Variants in ANO1 observed in about 807,000 individuals in gnomAD.
ANO1 encodes the protein anoctamin 1.
A neutral mutation model predicts 124.0 loss-of-function variants in ANO1; 59 were observed. The observed-to-expected ratio is 0.48, with a 90% CI of 0.39 to 0.59. The LOEUF is 0.59. Among genes scored for constraint, ANO1 ranks in the 20% least tolerant of loss-of-function variants. The pLI is 0.00. For missense variants in ANO1, 1,059 were observed against 1,328.0 expected, an observed-to-expected ratio of 0.80 and a Z score of 3.15; for synonymous variants, 529 against 532.0, an observed-to-expected ratio of 0.99 and a Z score of 0.08.
chr11:70,020,560 C>G (rs1304430167), intron 1 of ANO1, among the ~76,000 whole-genome samples: 1 of 152,186 alleles, frequency 6.6e-6, no homozygotes, highest in East Asian at 1.9e-4. Flanking sequence ...GTGGGTCCGG[C>G]CAAGGGTCAC....
At chr11:70,012,337 T>A (rs1856611448) in intron 1 of ANO1, among the ~76,000 whole-genome samples, 1 of 151,608 alleles carries the variant, frequency 6.6e-6, no homozygotes, top group African/African-American at 2.4e-5. Flanking sequence ...ATTCCATCTA[T>A]CCATCCTTTC....
At chr11:70,094,947 C>T (rs1265189048) in intron 2 of ANO1, among the ~76,000 whole-genome samples, 1 of 152,126 alleles carries the variant, frequency 6.6e-6, no homozygotes, top group African/African-American at 2.4e-5. Flanking sequence ...TGGCTCATGC[C>T]TATAATCCCA....
chr11:69,978,269 A>G, the ANO1 span, among the ~76,000 whole-genome samples: 1 of 152,192 alleles, frequency 6.6e-6, no homozygotes, highest in African/African-American at 2.4e-5. Flanking sequence ...TTTTGTTGGC[A>G]GAGCACCTCC....
intron 11 of ANO1, among the ~76,000 whole-genome samples, chr11:70,135,792 T>C (rs931306497): frequency 1.3e-5 from 2 of 152,228 alleles, no homozygotes; most frequent in Admixed American, 6.5e-5. Context: ...TGGGCTGTAA[T>C]GATCCCATTT....
chr11:70,085,715 C>T (rs1049084416), intron 1 of ANO1: 59 of 1,432,346 alleles, frequency 4.1e-5, no homozygotes, highest in Admixed American at 5.5e-5. Flanking sequence ...AGCCTCCTCT[C>T]TCCTTCCCCT....
At chr11:70,012,000 T>TTCCA (rs201200119) in intron 1 of ANO1, among the ~76,000 whole-genome samples, 1,576 of 150,644 alleles carry the variant, frequency 0.01, 26 homozygotes, top group African/African-American at 0.036. Context: ...CCATCCATCT[T>TTCCA]TCCATCCATC....
chr11:70,130,491 G>A (rs1243976084), intron 10 of ANO1, among the ~76,000 whole-genome samples: 1 of 152,180 alleles, frequency 6.6e-6, no homozygotes, highest in African/African-American at 2.4e-5. Context: ...CCCTCTCTGG[G>A]CTCTGGGATT....
Position 70,132,086 on chromosome 11 carries a change from A to C in ANO1, c.1258+7A>C. 2 of 1,579,452 alleles carry C rather than the reference A, an allele frequency of 1.3e-6. No individual in the cohort carries two copies. The highest frequency in any genetic ancestry group is 8.6e-7 in the Non-Finnish European group (1 of 1,167,750). On this transcript the variant is annotated splice_region_variant and intron_variant, in intron 11 of 25. Transcript: ENST00000355303. ...GTCTTCATGGCCCTCTGGGGTAAGCAGGGCTCCAGAGCACTGGGTTTTTGG... is the reference window on the plus strand; with the variant it reads ...GTCTTCATGGCCCTCTGGGGTAAGCCGGGCTCCAGAGCACTGGGTTTTTGG...
At chr11:70,170,338 C>T (rs976316212) in intron 21 of ANO1, among the ~76,000 whole-genome samples, 2 of 152,342 alleles carry the variant, frequency 1.3e-5, no homozygotes, top group Admixed American at 6.5e-5. Flanking sequence ...GGCGAGGTGG[C>T]TCATGCCTGG....
chr11:70,139,820 G>A (rs2047083844), intron 11 of ANO1, among the ~76,000 whole-genome samples: 1 of 152,210 alleles, frequency 6.6e-6, no homozygotes, highest in African/African-American at 2.4e-5. Flanking sequence ...TATTTAAGAA[G>A]TCTCCATCTT....
intron 1 of ANO1, among the ~76,000 whole-genome samples, chr11:70,028,607 C>T (rs564477770): frequency 6.4e-4 from 98 of 152,204 alleles, no homozygotes; most frequent in African/African-American, 2.2e-3. Context: ...GGCTCCCCAA[C>T]CCCCACCACA....
chr11:70,188,154 TTTC>T lies in ANO1; in HGVS notation c.*156_*158del. On this transcript the variant is annotated 3_prime_UTR_variant, in exon 26 of 26. Coordinates refer to ENST00000355303, the MANE Select transcript of ANO1 (RefSeq NM_018043.7). Reference sequence around the variant, plus strand: ...ACCACTTTCTGATAGGACATTTTCCTTTCTTCTTTCTGTTTTCTTTCCCTTGTT... The same window carrying T: ...ACCACTTTCTGATAGGACATTTTCCTTTCTTTCTGTTTTCTTTCCCTTGTT... The T allele has an allele frequency of 2.2e-6, 2 of 905,884 alleles. No homozygotes were observed. Among genetic ancestry groups the T allele is most frequent in the Middle Eastern group, 3.5e-4 (1 of 2,890 alleles). The allele number at this position is 905,884 out of a possible 1,614,324, so 56.1% of individuals were successfully genotyped here.
chr11:70,079,695 C>T (rs1054801812), intron 1 of ANO1, among the ~76,000 whole-genome samples: 2 of 152,214 alleles, frequency 1.3e-5, no homozygotes, highest in African/African-American at 2.4e-5. Flanking sequence ...CCTCCCCAGG[C>T]GTCAGGCCCA....
intron 1 of ANO1, among the ~76,000 whole-genome samples, chr11:70,001,446 A>G (rs1439488401): frequency 6.6e-6 from 1 of 152,178 alleles, no homozygotes; most frequent in East Asian, 1.9e-4. Context: ...AGACACGAGG[A>G]TGGATGACTA....
At chr11:70,124,218 AGCCCACTCTCAAGAAGT>A (rs2046398599) in intron 8 of ANO1, 115 bp from the exon 9 acceptor site, 1 of 771,946 alleles carries the variant, frequency 1.3e-6, no homozygotes, top group African/African-American at 1.7e-5. Flanking sequence ...CAGCCCACAC[AGCCCACTCTCAAGAAGT>A]GTTTATGGGA....
chr11:69,980,660 A>AT, the ANO1 span, among the ~76,000 whole-genome samples: 1 of 151,858 alleles, frequency 6.6e-6, no homozygotes, highest in African/African-American at 2.4e-5. Flanking sequence ...GGCTGTGAGG[A>AT]TTGCATAACA....
intron 21 of ANO1, chr11:70,170,036 G>A (rs577240997): frequency 9.0e-5 from 36 of 401,198 alleles, no homozygotes; most frequent in African/African-American, 5.1e-4. Context: ...GGCAGCTCCC[G>A]GGTGGGATGA....
chr11:69,968,390 G>A, the ANO1 span, among the ~76,000 whole-genome samples: 1 of 152,210 alleles, frequency 6.6e-6, no homozygotes, highest in Admixed American at 6.5e-5. Context: ...TCCAAAGGCA[G>A]AGGCAGACAG....
rs77395546 is a variant in ANO1 at position 70,027,421 on chromosome 11, C to T, written c.58+41255C>T. Among the ~76,000 whole-genome samples the T allele has an allele frequency of 2.4e-3, 367 of 152,314 alleles. 1 individual carries two copies. The highest frequency in any genetic ancestry group is 8.3e-3 in the African/African-American group (346 of 41,576). ...AAAACAGAATGTTTGTGTGGGTACCCGAGGTACAGTTTCTACTGAAGGTGT... is the reference window on the plus strand; with the variant it reads ...AAAACAGAATGTTTGTGTGGGTACCTGAGGTACAGTTTCTACTGAAGGTGT... On this transcript the variant is annotated intron_variant, in intron 1 of 27. Coordinates refer to the ANO1 transcript ENST00000531349.
Sources: allele counts gnomAD v4.1 joint callset (sites outside exome capture counted in the v4.1 genomes callset), GRCh38; gene constraint gnomAD v4.1.1; transcripts MANE v1.5; gene names NCBI Gene and HGNC (gene_info 2026-07-23, HGNC 2026-07-21).